The following OCA2 variants were observed in gnomAD, a reference collection of about 807,000 sequenced individuals.
OCA2 encodes P protein.
OCA2 carries 77 observed loss-of-function variants against 100.2 expected under a neutral mutation model. The observed-to-expected ratio is 0.77, with a 90% CI of 0.64 to 0.93. The LOEUF is 0.93. Ranked by LOEUF, OCA2 falls within the 40% of genes least tolerant of loss-of-function variation. OCA2 has a pLI of 0.00. For synonymous variants in OCA2, 432 were observed against 439.2 expected, an observed-to-expected ratio of 0.98 and a Z score of 0.21; for missense variants, 1,062 against 1,089.1, an observed-to-expected ratio of 0.98 and a Z score of 0.35.
intron 6 of OCA2, among the ~76,000 whole-genome samples, chr15:28,019,467 G>T (rs1199466077): frequency 6.6e-6 from 1 of 152,118 alleles, no homozygotes; most frequent in African/African-American, 2.4e-5. Flanking sequence ...AGAACTTCAG[G>T]TGCTACAATT....
At chr15:28,010,606 C>T (rs2042214267) in intron 9 of OCA2, among the ~76,000 whole-genome samples, 1 of 152,102 alleles carries the variant, frequency 6.6e-6, no homozygotes, top group South Asian at 2.1e-4. Context: ...GTACCATTTA[C>T]AATTGCTCCA....
rs752232419 is a variant in OCA2 at position 27,955,189 on chromosome 15, C to T, written c.1811G>A (p.Trp604Ter). ...HRQISQEDKN[W>*]ETNIQELQKK... ...TTGGAGTTCTTGGATATTGGTCTCC[C>T]AATTTTTGTCCTCCTGTGAGATCTG... is the stretch of plus-strand genomic sequence containing the variant. Residue 604 changes from tryptophan to a stop codon, truncating the protein, a stop_gained, in exon 17 of 24, where the codon TGG becomes TAG. Coordinates refer to ENST00000354638, the MANE Select transcript of OCA2 (RefSeq NM_000275.3). LOFTEE classifies it high-confidence loss of function. 6.2e-7 allele frequency: 1 copy of T among 1,612,350 alleles called. No homozygotes were observed. The highest frequency in any genetic ancestry group is 1.3e-5 in the African/African-American group (1 of 75,006).
rs138548327 is a variant in OCA2 at position 27,840,321 on chromosome 15, A to C, written c.2432+4638T>G. Reference sequence around the variant, plus strand: ...AATAAAACAGAACTAGATGAATCACAAGCCACTAATCAAAAACAAATCCAC... The same window carrying C: ...AATAAAACAGAACTAGATGAATCACCAGCCACTAATCAAAAACAAATCCAC... On this transcript the variant is annotated intron_variant, in intron 23 of 23. Coordinates refer to ENST00000354638, the MANE Select transcript of OCA2 (RefSeq NM_000275.3). Among the ~76,000 whole-genome samples, 422 of 152,300 alleles carry C rather than the reference A, an allele frequency of 2.8e-3. 3 individuals are homozygous for C. Among genetic ancestry groups the C allele is most frequent in the African/African-American group, 9.6e-3 (397 of 41,560 alleles).
At chr15:27,770,858 C>CCCTTCCATTCTTCCTTCCTCCCTCTT (rs1489459733) in intron 23 of OCA2, among the ~76,000 whole-genome samples, 1 of 98,734 alleles carries the variant, frequency 1.0e-5, no homozygotes, top group Non-Finnish European at 1.8e-5. Flanking sequence ...TCCTTCCTTT[C>CCCTTCCATTCTTCCTTCCTCCCTCTT]TTCCTTCCTT....
chr15:27,745,071 C>T, the OCA2 span, among the ~76,000 whole-genome samples: 3 of 152,122 alleles, frequency 2.0e-5, no homozygotes, highest in Non-Finnish European at 4.4e-5. Context: ...GTCCCGATCC[C>T]GACCCCCAGA....
At chr15:27,988,782 A>C (rs188539633) in intron 11 of OCA2, among the ~76,000 whole-genome samples, 1 of 152,138 alleles carries the variant, frequency 6.6e-6, no homozygotes, top group Admixed American at 6.5e-5. Flanking sequence ...CAGGCCCGAC[A>C]CAAGTATTAG....
chr15:28,017,744 C>T (rs1386694730), intron 7 of OCA2, among the ~76,000 whole-genome samples: 1 of 151,980 alleles, frequency 6.6e-6, no homozygotes, highest in Non-Finnish European at 1.5e-5. Context: ...CTGGTTATAA[C>T]AGGGAACATC....
At chr15:27,941,245 G>A (rs147473632) in intron 18 of OCA2, among the ~76,000 whole-genome samples, 166 of 152,278 alleles carry the variant, frequency 1.1e-3, no homozygotes, top group African/African-American at 3.9e-3. Flanking sequence ...CATTCGATGT[G>A]AGAATGTTAA....
intron 23 of OCA2, among the ~76,000 whole-genome samples, chr15:27,787,766 T>C (rs1300914720): frequency 1.3e-5 from 2 of 151,948 alleles, no homozygotes; most frequent in Admixed American, 6.6e-5. Context: ...TTCCTTCCAA[T>C]TGACTTTAAT....
chr15:28,015,490 T>C (rs2141234753), intron 8 of OCA2, among the ~76,000 whole-genome samples: 1 of 152,292 alleles, frequency 6.6e-6, no homozygotes, highest in East Asian at 1.9e-4. Context: ...AGGGAGGGTC[T>C]TTAACAAGGT....
At chr15:27,860,546 G>T (rs60907537) in intron 21 of OCA2, among the ~76,000 whole-genome samples, 5,192 of 152,238 alleles carry the variant, frequency 0.034, 294 homozygotes, top group African/African-American at 0.12. Context: ...GTGAGAACAT[G>T]TAATATTTGG....
chr15:27,792,145 C>T (rs995513800), intron 23 of OCA2, among the ~76,000 whole-genome samples: 1 of 152,248 alleles, frequency 6.6e-6, no homozygotes, highest in Non-Finnish European at 1.5e-5. Context: ...CAAAAAGATA[C>T]ACAATGAACA....
Position 28,027,851 on chromosome 15 carries a change from G to T in OCA2, c.515+20C>A. On this transcript the variant is annotated intron_variant, in intron 4 of 23. Coordinates refer to ENST00000354638, the MANE Select transcript of OCA2 (RefSeq NM_000275.3). ...TGCGGCCACCGCTGCTGCCAGGGTG[G>T]GCACCCCAAGTCCGCCTACCTCAGC... is the stretch of plus-strand genomic sequence containing the variant. The T allele has an allele frequency of 6.2e-7, 1 of 1,611,432 alleles. No individual in the cohort carries two copies. The highest frequency in any genetic ancestry group is 8.5e-7 in the Non-Finnish European group (1 of 1,179,944).
chr15:28,014,995 A>C, intron 8 of OCA2, 66 bp from the exon 9 acceptor site: 2 of 1,534,506 alleles, frequency 1.3e-6, no homozygotes, highest in Non-Finnish European at 1.8e-6. Flanking sequence ...CCTCTGTATC[A>C]GCCATGGCAT....
intron 1 of OCA2, among the ~76,000 whole-genome samples, chr15:28,087,657 G>C (rs2044800027): frequency 1.3e-5 from 2 of 152,298 alleles, no homozygotes; most frequent in East Asian, 1.9e-4. Flanking sequence ...TGAGGTAGGA[G>C]AATCACCTGA....
intron 2 of OCA2, among the ~76,000 whole-genome samples, chr15:28,056,651 A>G (rs1381924848): frequency 6.6e-6 from 1 of 152,194 alleles, no homozygotes; most frequent in Non-Finnish European, 1.5e-5. Flanking sequence ...TGTGTGGAGG[A>G]TGGCAGTGTG....
intron 14 of OCA2, among the ~76,000 whole-genome samples, chr15:27,967,908 T>C (rs1347043905): frequency 6.6e-6 from 1 of 152,068 alleles, no homozygotes; most frequent in Non-Finnish European, 1.5e-5. Context: ...TTCACTGACG[T>C]CCTGGAATAA....
intron 18 of OCA2, among the ~76,000 whole-genome samples, chr15:27,938,977 T>C (rs1455993507): frequency 6.6e-6 from 1 of 152,094 alleles, no homozygotes; most frequent in Admixed American, 6.5e-5. Flanking sequence ...CACACCAAGG[T>C]ACCATAGGGG....
chr15:28,093,190 G>A (rs1177259080), intron 1 of OCA2, among the ~76,000 whole-genome samples: 1 of 152,124 alleles, frequency 6.6e-6, no homozygotes, highest in Non-Finnish European at 1.5e-5. Flanking sequence ...TGGAAGCCGA[G>A]GCAGGCAGAT....
Sources: allele counts gnomAD v4.1 joint callset (sites outside exome capture counted in the v4.1 genomes callset), GRCh38; gene constraint gnomAD v4.1.1; transcripts MANE v1.5; gene names NCBI Gene and HGNC (gene_info 2026-07-23, HGNC 2026-07-21).